Variants in MIR2052HG observed in about 807,000 individuals in gnomAD.
MIR2052HG encodes the protein MIR2052 host gene.
chr8:74,752,301 AAG>A, intron 4 of MIR2052HG: 5 of 300,864 alleles, frequency 1.7e-5, no homozygotes, highest in East Asian at 1.1e-4. Context: ...AAAAAAAAAA[AAG>A]TATAGGATTT....
chr8:74,640,552 G>A (rs1808628658), intron 2 of MIR2052HG, among the ~76,000 whole-genome samples: 1 of 151,324 alleles, frequency 6.6e-6, no homozygotes, highest in South Asian at 2.1e-4. Flanking sequence ...CAAAGAGAAA[G>A]AGGCAGGTAG....
At chr8:74,708,656 A>G (rs887265497) in intron 4 of MIR2052HG, among the ~76,000 whole-genome samples, 4 of 152,116 alleles carry the variant, frequency 2.6e-5, no homozygotes, top group Non-Finnish European at 5.9e-5. Flanking sequence ...TAAATTTATT[A>G]TATAATTGTG....
chr8:74,699,011 T>A (rs1378620432), intron 2 of MIR2052HG, among the ~76,000 whole-genome samples: 4 of 152,090 alleles, frequency 2.6e-5, no homozygotes, highest in Non-Finnish European at 5.9e-5. Flanking sequence ...GAAAGAATGG[T>A]CAACTTCACT....
rs549342115 is a variant in MIR2052HG at position 74,733,578 on chromosome 8, G to A, written n.372-18863G>A. On this transcript the variant is annotated intron_variant and non_coding_transcript_variant, in intron 4 of 6. Coordinates refer to ENST00000523442, the Ensembl canonical transcript of MIR2052HG. Reference sequence around the variant, plus strand: ...TGTCTTTATAGCAGCATGATTTATAGTCCTTTGGGTATATACCCAGTAATG... The same window carrying A: ...TGTCTTTATAGCAGCATGATTTATAATCCTTTGGGTATATACCCAGTAATG... 4.2e-5 allele frequency among the ~76,000 whole-genome samples: 6 copies of A among 144,476 alleles called. No individual in the cohort carries two copies. The South Asian group carries it at 1.4e-3, about 34-fold the overall frequency. The allele number at this position is 144,476 out of a possible 152,430, so 94.8% of individuals were successfully genotyped here.
intron 2 of MIR2052HG, among the ~76,000 whole-genome samples, chr8:74,696,690 C>A (rs1456542807): frequency 6.6e-6 from 1 of 151,808 alleles, no homozygotes; most frequent in Non-Finnish European, 1.5e-5. Context: ...ACTATGGACA[C>A]CTCTAATTGC....
At chr8:74,699,400 ATG>A (rs753372402) in intron 2 of MIR2052HG, among the ~76,000 whole-genome samples, 244 of 124,450 alleles carry the variant, frequency 2.0e-3, no homozygotes, top group African/African-American at 7.0e-3. Context: ...TAGTATGTGT[ATG>A]TGTGTGTGTG....
At chr8:74,600,144 A>G (rs1342754887) in intron 1 of MIR2052HG, among the ~76,000 whole-genome samples, 1 of 152,162 alleles carries the variant, frequency 6.6e-6, no homozygotes, top group African/African-American at 2.4e-5. Context: ...CCCTAGTGAG[A>G]TGAACCTGGT....
chr8:74,757,698 G>A (rs1409719318), intron 5 of MIR2052HG: 1 of 152,140 alleles, frequency 6.6e-6, no homozygotes, highest in Non-Finnish European at 1.5e-5. Context: ...GTTACAGTAA[G>A]AATGTTATTA....
At chr8:74,641,816 T>C (rs906462645) in intron 2 of MIR2052HG, among the ~76,000 whole-genome samples, 23 of 152,192 alleles carry the variant, frequency 1.5e-4, no homozygotes, top group African/African-American at 5.5e-4. Context: ...TAAAGTATGC[T>C]TTTAAGTCAA....
At chr8:74,699,758 A>T (rs114734471) in intron 2 of MIR2052HG, among the ~76,000 whole-genome samples, 2,000 of 152,242 alleles carry the variant, frequency 0.013, 38 homozygotes, top group African/African-American at 0.046. Context: ...GTAACCTAAC[A>T]TCAACTTTTC....
intron 4 of MIR2052HG, among the ~76,000 whole-genome samples, chr8:74,734,866 T>C (rs1254463860): frequency 6.6e-6 from 1 of 152,218 alleles, no homozygotes; most frequent in Non-Finnish European, 1.5e-5. Flanking sequence ...GAAAATCACA[T>C]CGATTTTCTC....
At chr8:74,600,447 G>T (rs920783004) in intron 1 of MIR2052HG, among the ~76,000 whole-genome samples, 8 of 151,342 alleles carry the variant, frequency 5.3e-5, no homozygotes, top group South Asian at 4.2e-4. Context: ...GCCGGGCGTG[G>T]TTGCACATGC....
intron 2 of MIR2052HG, among the ~76,000 whole-genome samples, chr8:74,644,891 A>G (rs565360397): frequency 6.6e-6 from 1 of 152,106 alleles, no homozygotes; most frequent in Non-Finnish European, 1.5e-5. Context: ...ACCCTGGCTC[A>G]AAAATAAAAT....
chr8:74,739,473 A>G (rs1203925709), intron 4 of MIR2052HG, among the ~76,000 whole-genome samples: 1 of 152,166 alleles, frequency 6.6e-6, no homozygotes. Flanking sequence ...GATTTCTTGA[A>G]CTTATAAAAT....
At chr8:74,616,546 G>T (rs993693281) in intron 2 of MIR2052HG, among the ~76,000 whole-genome samples, 1 of 151,302 alleles carries the variant, frequency 6.6e-6, no homozygotes, top group Non-Finnish European at 1.5e-5. Context: ...CTCTGAGGAC[G>T]TTATGTTTAT....
At chr8:74,615,694 T>A (rs1373377092) in intron 2 of MIR2052HG, among the ~76,000 whole-genome samples, 1 of 152,164 alleles carries the variant, frequency 6.6e-6, no homozygotes, top group South Asian at 2.1e-4. Flanking sequence ...ATGTGCCATG[T>A]TGGTGTGCTG....
chr8:74,672,901 A>G (rs1326230428), intron 2 of MIR2052HG, among the ~76,000 whole-genome samples: 1 of 152,084 alleles, frequency 6.6e-6, no homozygotes, highest in Non-Finnish European at 1.5e-5. Flanking sequence ...TAAATTGAAT[A>G]TTTCAGATTG....
At chr8:74,738,057 T>C (rs975162249) in intron 4 of MIR2052HG, among the ~76,000 whole-genome samples, 1 of 152,078 alleles carries the variant, frequency 6.6e-6, no homozygotes, top group Non-Finnish European at 1.5e-5. Flanking sequence ...TGTATGTATC[T>C]ATCATTTATG....
At chr8:74,679,459 G>T (rs1435648517) in intron 2 of MIR2052HG, among the ~76,000 whole-genome samples, 1 of 151,698 alleles carries the variant, frequency 6.6e-6, no homozygotes, top group Non-Finnish European at 1.5e-5. Context: ...AGTCCATGGT[G>T]TATATGTACC....
Sources: allele counts gnomAD v4.1 joint callset (sites outside exome capture counted in the v4.1 genomes callset), GRCh38; gene constraint gnomAD v4.1.1; transcripts MANE v1.5; gene names NCBI Gene and HGNC (gene_info 2026-07-23, HGNC 2026-07-21).